Variants in NID2 observed in about 807,000 individuals in gnomAD.
The protein encoded by NID2 is nidogen-2.
In NID2, 83 loss-of-function variants were observed where a neutral mutation model predicts 145.4. The ratio of observed to expected loss-of-function variants is 0.57; its 90% confidence interval spans 0.48 to 0.69. The LOEUF is 0.69. Ranked by LOEUF, NID2 falls within the 30% of genes least tolerant of loss-of-function variation. The pLI is 0.00. For missense variants in NID2, 1,807 were observed against 1,765.7 expected, an observed-to-expected ratio of 1.02 and a Z score of -0.42; for synonymous variants, 739 against 701.3, an observed-to-expected ratio of 1.05 and a Z score of -0.85.
chr14:52,012,839 A>C (rs922763693), intron 16 of NID2, among the ~76,000 whole-genome samples: 2 of 152,240 alleles, frequency 1.3e-5, no homozygotes, highest in Non-Finnish European at 2.9e-5. Flanking sequence ...TGCAAAGCCA[A>C]CATTCAGGGG....
chr14:52,028,602 C>A, intron 11 of NID2, 120 bp downstream of exon 11: 1 of 1,169,516 alleles, frequency 8.6e-7, no homozygotes, highest in Non-Finnish European at 1.2e-6. Context: ...TGTAAACTGT[C>A]TTCTTAAGAA....
intron 3 of NID2, among the ~76,000 whole-genome samples, chr14:52,057,193 C>T (rs1202930225): frequency 6.6e-6 from 1 of 152,048 alleles, no homozygotes; most frequent in Non-Finnish European, 1.5e-5. Context: ...GGGTGCACAC[C>T]ACCACACCCA....
At chr14:52,006,459 T>A in intron 20 of NID2, 78 bp downstream of exon 20, 1 of 1,564,242 alleles carries the variant, frequency 6.4e-7, no homozygotes, top group Non-Finnish European at 8.7e-7. Context: ...AGTCAGGTAC[T>A]GACTTTTGGT....
Position 52,005,850 on chromosome 14 carries a change from C to G in NID2, c.4005-1G>C. On this transcript the variant is annotated splice_acceptor_variant, in intron 20 of 21. Coordinates refer to ENST00000216286, the MANE Select transcript of NID2 (RefSeq NM_007361.4). LOFTEE classifies it high-confidence loss of function. ...TTTATTTACTGATACAACACCATCC[C>G]TGGTAACAGAAAGGAAGAGTGAATT... is the stretch of plus-strand genomic sequence containing the variant. 6.3e-7 allele frequency: 1 copy of G among 1,598,684 alleles called. No homozygotes were observed. The highest frequency in any genetic ancestry group is 1.3e-5 in the African/African-American group (1 of 74,688).
In NID2 at chr14:52,067,856, ACCTCTCCCGAGGGCAGCGCC is replaced by A; in HGVS notation, c.516_534+1del. On this transcript the variant is annotated splice_donor_variant and coding_sequence_variant, in exon 2 of 22. Transcript: ENST00000216286. LOFTEE classifies it high-confidence loss of function. ...AGCAGTCAAATATCCCTGGTCACTT[ACCTCTCCCGAGGGCAGCGCC>A]CCGCGCTTGACCTCCTCGTAAGCGC... 6.2e-7 allele frequency: 1 copy of A among 1,611,184 alleles called. No homozygotes were observed. Among genetic ancestry groups the A allele is most frequent in the Non-Finnish European group, 8.5e-7 (1 of 1,179,880 alleles).
chr14:52,011,207 T>C (rs769575800), intron 17 of NID2, among the ~76,000 whole-genome samples, 160 bp from the exon 18 acceptor site: 6 of 152,138 alleles, frequency 3.9e-5, no homozygotes, highest in African/African-American at 7.2e-5. Flanking sequence ...ACAAGTACTT[T>C]TGTTACATAT....
At chr14:52,051,778 T>A (rs1264543221) in intron 5 of NID2, among the ~76,000 whole-genome samples, 1 of 152,234 alleles carries the variant, frequency 6.6e-6, no homozygotes, top group East Asian at 1.9e-4. Flanking sequence ...CCAAAATGCG[T>A]ATTAACCAGC....
intron 2 of NID2, among the ~76,000 whole-genome samples, chr14:52,061,686 A>G (rs1390468091): frequency 6.6e-6 from 1 of 152,134 alleles, no homozygotes; most frequent in Non-Finnish European, 1.5e-5. Flanking sequence ...CTGCCAATTC[A>G]ACACCCAGGT....
rs1226404392 is a variant in NID2, at chr14:52,027,186, C to A, written c.2674+15G>T. ...GCAACTTTCCAGTCATTGAGGCTGA[C>A]CTGCAGTTACTCACCAGTGCACTGG... is the stretch of plus-strand genomic sequence containing the variant. On this transcript the variant is annotated intron_variant, in intron 12 of 21. Coordinates refer to ENST00000216286, the MANE Select transcript of NID2 (RefSeq NM_007361.4). 7 of 1,474,472 alleles carry A rather than the reference C, an allele frequency of 4.7e-6. No individual in the cohort carries two copies. The highest frequency in any genetic ancestry group is 1.5e-5 in the African/African-American group (1 of 68,874). 91.3% of individuals were successfully genotyped at this position (1,474,472 alleles called of 1,614,324 possible). A position where few individuals can be genotyped will look rare whatever the true frequency, so the allele number is the denominator to read the frequency against.
chr14:52,006,695 G>C (rs770598326), intron 19 of NID2, 35 bp from the exon 20 acceptor site: 77 of 1,610,484 alleles, frequency 4.8e-5, no homozygotes, highest in Non-Finnish European at 6.0e-5. Flanking sequence ...AGGTCCTTCA[G>C]CTGCTTTGCC....
At chr14:52,013,316 A>G (rs1891099415) in intron 16 of NID2, among the ~76,000 whole-genome samples, 1 of 152,206 alleles carries the variant, frequency 6.6e-6, no homozygotes, top group South Asian at 2.1e-4. Context: ...AGTGATGTCA[A>G]CTTCTTAGTC....
At chr14:52,006,844 A>G (rs371192269) in intron 19 of NID2, 184 bp from the exon 20 acceptor site, 5 of 498,094 alleles carry the variant, frequency 1.0e-5, no homozygotes, top group Middle Eastern at 4.7e-4. Context: ...TAGAGATTCA[A>G]ACTTTCAATC....
At chr14:52,058,140 T>G (rs894191694) in intron 3 of NID2, among the ~76,000 whole-genome samples, 1 of 152,272 alleles carries the variant, frequency 6.6e-6, no homozygotes, top group African/African-American at 2.4e-5. Context: ...CATGAAATGT[T>G]CATTAATAAG....
intron 12 of NID2, chr14:52,020,395 G>A: frequency 3.5e-6 from 2 of 566,950 alleles, no homozygotes; most frequent in Non-Finnish European, 5.7e-6. Flanking sequence ...TAACACACTA[G>A]ACTAAACGTG....
intron 3 of NID2, among the ~76,000 whole-genome samples, chr14:52,055,523 T>G (rs1191741970): frequency 6.6e-6 from 1 of 152,186 alleles, no homozygotes; most frequent in Non-Finnish European, 1.5e-5. Context: ...TGGAAACAGC[T>G]CTCTCGTTTT....
chr14:52,014,736 G>GC (rs2140353676), intron 15 of NID2, among the ~76,000 whole-genome samples: 2 of 151,336 alleles, frequency 1.3e-5, no homozygotes, highest in Non-Finnish European at 2.9e-5. Context: ...AAAAAACAGA[G>GC]CCAGCATTGT....
intron 15 of NID2, 112 bp from the exon 16 acceptor site, chr14:52,014,568 G>A (rs1891149884): frequency 5.4e-6 from 6 of 1,106,338 alleles, no homozygotes; most frequent in African/African-American, 1.6e-5. Context: ...AAAGTTCTTC[G>A]CCCTACGCAG....
intron 2 of NID2, among the ~76,000 whole-genome samples, chr14:52,061,186 C>T (rs1893011032): frequency 6.6e-6 from 1 of 152,178 alleles, no homozygotes; most frequent in Non-Finnish European, 1.5e-5. Flanking sequence ...ACACTTTGTT[C>T]GTGGTTCCCT....
rs757665639 is a variant in NID2, at chr14:52,068,904, G to A, written c.91C>T (p.Leu31=). The A allele has an allele frequency of 9.3e-6, 15 of 1,614,060 alleles. 1 individual carries two copies. In the Middle Eastern group the frequency reaches 5.0e-4, roughly 53 times the overall value. The stretch of plus-strand genomic sequence containing the variant: ...TGTGGGAAGAGCTCGTCTGGGTGCA[G>A]CGCCGCGGCCCGCAACATTAGCAAC... ...LPLLMLRAAA[L]HPDELFPHGE... Residue 31 remains leucine, a synonymous_variant, in exon 1 of 22, where the codon CTG becomes TTG. Transcript: ENST00000216286.
Sources: allele counts gnomAD v4.1 joint callset (sites outside exome capture counted in the v4.1 genomes callset), GRCh38; gene constraint gnomAD v4.1.1; transcripts MANE v1.5; gene names NCBI Gene and HGNC (gene_info 2026-07-23, HGNC 2026-07-21).